Variants in GLI3 observed in about 807,000 individuals in gnomAD.
GLI3 encodes the protein GLI family zinc finger 3.
GLI3 carries 20 observed loss-of-function variants against 100.8 expected under a neutral mutation model. The observed-to-expected ratio is 0.20, with a 90% confidence interval of 0.14 to 0.29. GLI3 has a LOEUF of 0.29. Among genes scored for constraint, GLI3 ranks in the 10% least tolerant of loss-of-function variants. The probability of loss-of-function intolerance (pLI) is 1.00; values close to 1 mark genes in which losing one functional copy is unlikely to be tolerated. For missense variants in GLI3, 2,040 were observed against 2,128.5 expected (o/e 0.96, Z 0.82); for synonymous variants, 938 against 860.5 (o/e 1.09, Z -1.58).
intron 3 of GLI3, among the ~76,000 whole-genome samples, chr7:42,102,809 T>C (rs1253448755): frequency 1.3e-5 from 2 of 152,160 alleles, no homozygotes; most frequent in Non-Finnish European, 2.9e-5. Flanking sequence ...TTTGAAACTT[T>C]TGTCTTTAAC....
chr7:42,204,926 T>A (rs961671349), intron 2 of GLI3, among the ~76,000 whole-genome samples: 1 of 152,082 alleles, frequency 6.6e-6, no homozygotes, highest in Non-Finnish European at 1.5e-5. Flanking sequence ...TATGATAAAT[T>A]TGTATCTCCT....
At chr7:42,094,289 G>A (rs1299576328) in intron 3 of GLI3, among the ~76,000 whole-genome samples, 1 of 152,178 alleles carries the variant, frequency 6.6e-6, no homozygotes, top group East Asian at 1.9e-4. Flanking sequence ...AGTAGTTGCT[G>A]AATACAGGAA....
chr7:41,982,799 G>A (rs1787710799), intron 10 of GLI3, among the ~76,000 whole-genome samples: 1 of 152,124 alleles, frequency 6.6e-6, no homozygotes, highest in Non-Finnish European at 1.5e-5. Context: ...GAGGGCAATG[G>A]AGGAAGCATT....
At chr7:42,077,797 C>A (rs559353288) in intron 3 of GLI3, among the ~76,000 whole-genome samples, 185 of 152,132 alleles carry the variant, frequency 1.2e-3, no homozygotes, top group Admixed American at 1.8e-3. Context: ...TACTTAGAAG[C>A]ATGACTGATG....
upstream of GLI3, among the ~76,000 whole-genome samples, chr7:42,242,239 A>G (rs111870226): frequency 6.7e-3 from 1,013 of 152,330 alleles, 7 homozygotes; most frequent in African/African-American, 0.022. Context: ...GATATGCACC[A>G]GTAAATTTTG....
At chr7:42,188,233 G>A (rs1468618666) in intron 2 of GLI3, among the ~76,000 whole-genome samples, 2 of 152,222 alleles carry the variant, frequency 1.3e-5, no homozygotes, top group African/African-American at 4.8e-5. Flanking sequence ...TTCCAGAACT[G>A]GAGAGAGTAA....
chr7:42,149,799 G>A (rs1583600711), intron 2 of GLI3, among the ~76,000 whole-genome samples: 1 of 152,000 alleles, frequency 6.6e-6, no homozygotes, highest in East Asian at 1.9e-4. Flanking sequence ...ATTAACTAAG[G>A]GCTCCCCCAA....
At chr7:42,100,562 C>T (rs1785437914) in intron 3 of GLI3, among the ~76,000 whole-genome samples, 2 of 149,718 alleles carry the variant, frequency 1.3e-5, no homozygotes, top group Middle Eastern at 3.4e-3. Flanking sequence ...ATGGTAAAAC[C>T]CCGTCTCTAC....
chr7:42,119,293 G>A (rs141366364), intron 3 of GLI3, among the ~76,000 whole-genome samples: 119 of 152,292 alleles, frequency 7.8e-4, no homozygotes, highest in African/African-American at 2.6e-3. Flanking sequence ...TTCCTCGACC[G>A]GTTTTTGAAT....
chr7:42,201,819 C>T (rs1788045236), intron 2 of GLI3, among the ~76,000 whole-genome samples: 1 of 152,164 alleles, frequency 6.6e-6, no homozygotes, highest in Admixed American at 6.5e-5. Flanking sequence ...CGCCATGGCT[C>T]ACACCTGTAA....
chr7:42,030,481 G>A (rs939623437), intron 7 of GLI3, among the ~76,000 whole-genome samples: 1 of 152,148 alleles, frequency 6.6e-6, no homozygotes, highest in African/African-American at 2.4e-5. Flanking sequence ...CAACATGTCT[G>A]TAAAGCAGTA....
At chr7:42,136,057 T>A (rs996527016) in intron 3 of GLI3, among the ~76,000 whole-genome samples, 2 of 152,204 alleles carry the variant, frequency 1.3e-5, no homozygotes, top group East Asian at 1.9e-4. Flanking sequence ...GTATGGCTGG[T>A]AGAGCTGGTC....
Position 42,045,520 on chromosome 7 carries a change from T to A in GLI3, c.690A>T (p.Ala230=). 6.2e-7 allele frequency: 1 copy of A among 1,614,012 alleles called. No homozygotes were observed. The highest frequency in any genetic ancestry group is 8.5e-7 in the Non-Finnish European group (1 of 1,179,956). ...GATAGTATTCTGCTGGGCTGACTCC[T>A]GCATGGGGCGCTAGGAGGAGACAAG... is the stretch of plus-strand genomic sequence containing the variant. ...RGLSPTDAPH[A]GVSPAEYYHQ... Residue 230 remains alanine (A), a synonymous_variant, in exon 6 of 15, where the codon GCA becomes GCT. Coordinates refer to ENST00000395925, the MANE Select transcript of GLI3 (RefSeq NM_000168.6).
intron 2 of GLI3, among the ~76,000 whole-genome samples, chr7:42,166,029 T>C (rs948998707): frequency 4.6e-5 from 7 of 152,184 alleles, no homozygotes; most frequent in African/African-American, 1.7e-4. Context: ...TAGAAGCACA[T>C]GTCACTTCCA....
intron 2 of GLI3, among the ~76,000 whole-genome samples, chr7:42,176,706 G>C (rs1042567276): frequency 2.6e-5 from 4 of 152,196 alleles, no homozygotes; most frequent in African/African-American, 9.7e-5. Flanking sequence ...ACTATTCCCT[G>C]AATCTTCACC....
chr7:42,164,844 A>ATAAATAAT (rs1173242503), intron 2 of GLI3, among the ~76,000 whole-genome samples: 2 of 151,572 alleles, frequency 1.3e-5, no homozygotes, highest in Non-Finnish European at 2.9e-5. Context: ...AAATAAATAA[A>ATAAATAAT]TAAATAAAAA....
intron 2 of GLI3, among the ~76,000 whole-genome samples, chr7:42,213,248 T>C (rs569405862): frequency 2.6e-5 from 4 of 152,360 alleles, no homozygotes; most frequent in African/African-American, 9.6e-5. Flanking sequence ...CCAGCTACTC[T>C]ACATTGGCCA....
At chr7:41,994,735 A>C (rs960655127) in intron 10 of GLI3, among the ~76,000 whole-genome samples, 3 of 152,254 alleles carry the variant, frequency 2.0e-5, no homozygotes, top group African/African-American at 7.2e-5. Flanking sequence ...TTTATTCCTC[A>C]AAATATGTTT....
intron 2 of GLI3, among the ~76,000 whole-genome samples, chr7:42,220,007 C>CT (rs1788454134): frequency 6.6e-6 from 1 of 152,062 alleles, no homozygotes; most frequent in Admixed American, 6.6e-5. Context: ...GCACCCGCCA[C>CT]ACGCCCAGCT....
Sources: allele counts gnomAD v4.1 joint callset (sites outside exome capture counted in the v4.1 genomes callset), GRCh38; gene constraint gnomAD v4.1.1; transcripts MANE v1.5; gene names NCBI Gene and HGNC (gene_info 2026-07-23, HGNC 2026-07-21).